Variants in SMAD3 observed in about 807,000 individuals in gnomAD.
SMAD3 encodes the protein MAD homolog 3.
In SMAD3, 12 loss-of-function variants were observed where a neutral mutation model predicts 51.8. The ratio of observed to expected loss-of-function variants is 0.23; its 90% confidence interval spans 0.15 to 0.38. The LOEUF is 0.38. SMAD3 is among the 10% of genes least tolerant of loss of function. The pLI, the probability that SMAD3 is intolerant of heterozygous loss-of-function variation, is 1.00. For missense variants in SMAD3, 294 were observed against 565.6 expected, an observed-to-expected ratio of 0.52 and a Z score of 4.87; for synonymous variants, 238 against 227.7, an observed-to-expected ratio of 1.05 and a Z score of -0.41.
At position 67,129,756 on chromosome 15, in the gene SMAD3, C is replaced by T. The variant is rs190484847; in HGVS notation, c.207-35139C>T. Among the ~76,000 whole-genome samples the T allele has an allele frequency of 3.4e-3, 517 of 152,336 alleles. 3 individuals are homozygous for T. Among genetic ancestry groups the T allele is most frequent in the Non-Finnish European group, 6.4e-3 (434 of 68,034 alleles). On this transcript the variant is annotated intron_variant, in intron 1 of 8. Coordinates refer to ENST00000327367, the MANE Select transcript of SMAD3 (RefSeq NM_005902.4). ...AATACAGTGTATCCCAAACCATCAT[C>T]ACTTTAGCATATACTCAAATATAAA...
chr15:67,183,982 G>A (rs1473881782), intron 6 of SMAD3, among the ~76,000 whole-genome samples: 1 of 152,148 alleles, frequency 6.6e-6, no homozygotes, highest in Admixed American at 6.5e-5. Context: ...GAATCTTGGA[G>A]TGTGAAGAGA....
At chr15:67,158,630 G>A (rs748252830) in intron 1 of SMAD3, among the ~76,000 whole-genome samples, 2 of 152,214 alleles carry the variant, frequency 1.3e-5, no homozygotes, top group Non-Finnish European at 2.9e-5. Context: ...GTGATCCTGC[G>A]ACATGCACTT....
At chr15:67,166,960 C>G (rs1595943902) in intron 4 of SMAD3, 107 bp downstream of exon 4, 2 of 904,204 alleles carry the variant, frequency 2.2e-6, no homozygotes, top group Non-Finnish European at 3.6e-6. Context: ...TTCTATCTCT[C>G]TCTCCAGTAT....
At chr15:67,138,301 T>G in intron 1 of SMAD3, 2 of 528,494 alleles carry the variant, frequency 3.8e-6, no homozygotes, top group East Asian at 3.2e-5. Context: ...CTCAGGGCCC[T>G]CTGCCTGGTT....
At chr15:67,123,236 C>T (rs1364626042) in intron 1 of SMAD3, among the ~76,000 whole-genome samples, 1 of 150,554 alleles carries the variant, frequency 6.6e-6, no homozygotes, top group Non-Finnish European at 1.5e-5. Context: ...TGGCTCACAC[C>T]TGTAATCCCA....
chr15:67,086,199 C>T (rs1446827319), intron 1 of SMAD3, among the ~76,000 whole-genome samples: 1 of 152,102 alleles, frequency 6.6e-6, no homozygotes, highest in Non-Finnish European at 1.5e-5. Flanking sequence ...CTCCAGCATA[C>T]CTTAGTGTCA....
intron 1 of SMAD3, among the ~76,000 whole-genome samples, chr15:67,132,802 G>T (rs367854307): frequency 6.6e-6 from 1 of 152,248 alleles, no homozygotes; most frequent in East Asian, 1.9e-4. Flanking sequence ...TTAGCAAGCT[G>T]CCGCACTCCC....
intron 1 of SMAD3, among the ~76,000 whole-genome samples, chr15:67,076,420 G>C (rs561958470): frequency 6.6e-6 from 1 of 152,212 alleles, no homozygotes; most frequent in Non-Finnish European, 1.5e-5. Context: ...TAAGTGCATG[G>C]AAGTGCATGA....
intron 2 of SMAD3, 80 bp from the exon 3 acceptor site, chr15:67,165,173 G>C: frequency 6.2e-7 from 1 of 1,611,284 alleles, no homozygotes; most frequent in South Asian, 1.1e-5. Context: ...GAGGGTCTGC[G>C]GTGCACTTGG....
intron 1 of SMAD3, among the ~76,000 whole-genome samples, chr15:67,090,706 A>T (rs951743415): frequency 1.3e-5 from 2 of 152,080 alleles, no homozygotes; most frequent in African/African-American, 4.8e-5. Context: ...ATTTCACTGA[A>T]AGCCCTAGAT....
At chr15:67,091,933 A>G (rs1390255533) in intron 1 of SMAD3, among the ~76,000 whole-genome samples, 1 of 152,166 alleles carries the variant, frequency 6.6e-6, no homozygotes, top group Non-Finnish European at 1.5e-5. Context: ...CAGAACTTGG[A>G]GGAAGCCGCT....
At chr15:67,126,360 G>A (rs753491231) in intron 1 of SMAD3, among the ~76,000 whole-genome samples, 16 of 152,122 alleles carry the variant, frequency 1.1e-4, no homozygotes, top group Non-Finnish European at 2.2e-4. Context: ...CCAGGGGTCC[G>A]GGACCTCCTG....
chr15:67,162,823 A>G (rs990461769), intron 1 of SMAD3, among the ~76,000 whole-genome samples: 2 of 151,790 alleles, frequency 1.3e-5, no homozygotes, highest in African/African-American at 2.4e-5. Flanking sequence ...CAGGTCAACC[A>G]TCACCTCCTC....
At chr15:67,170,639 C>A in intron 5 of SMAD3, 35 bp downstream of exon 5, 8 of 1,595,676 alleles carry the variant, frequency 5.0e-6, no homozygotes, top group Middle Eastern at 1.7e-4. Flanking sequence ...CTGGAACCCC[C>A]TCTAGCTGCA....
At chr15:67,089,319 A>C (rs1010693438) in intron 1 of SMAD3, among the ~76,000 whole-genome samples, 1 of 152,174 alleles carries the variant, frequency 6.6e-6, no homozygotes, top group East Asian at 1.9e-4. Context: ...AAATGAGCCA[A>C]ATTTCCTTCA....
At chr15:67,141,557 CAG>C (rs1418823821) in intron 1 of SMAD3, among the ~76,000 whole-genome samples, 1 of 152,146 alleles carries the variant, frequency 6.6e-6, no homozygotes, top group Non-Finnish European at 1.5e-5. Context: ...GAAGCTAGAG[CAG>C]AGAGAGTCCA....
chr15:67,092,590 C>A (rs1490541144), intron 1 of SMAD3, among the ~76,000 whole-genome samples: 1 of 152,138 alleles, frequency 6.6e-6, no homozygotes, highest in Non-Finnish European at 1.5e-5. Flanking sequence ...GCTTGACAAT[C>A]ATGATTATAG....
At chr15:67,153,900 C>T (rs1290618344) in intron 1 of SMAD3, among the ~76,000 whole-genome samples, 1 of 152,218 alleles carries the variant, frequency 6.6e-6, no homozygotes, top group Non-Finnish European at 1.5e-5. Context: ...TTCTTCTTTT[C>T]CAGAAAGTAC....
intron 1 of SMAD3, among the ~76,000 whole-genome samples, chr15:67,080,581 C>G (rs1359335451): frequency 1.3e-5 from 2 of 152,220 alleles, no homozygotes; most frequent in Admixed American, 6.5e-5. Flanking sequence ...TTTTCCTGCT[C>G]TCCACTTTAC....
Sources: gnomAD v4.1 joint callset for allele counts (sites outside exome capture counted in the v4.1 genomes callset) on GRCh38, gnomAD v4.1.1 for gene constraint, MANE v1.5 for transcripts, NCBI Gene and HGNC (gene_info 2026-07-23, HGNC 2026-07-21) for gene names.